The following SART3 variants were observed in gnomAD, a reference collection of about 807,000 sequenced individuals.
SART3 encodes HIV-1 Tat-interacting protein of 110kDa.
A neutral mutation model predicts 122.3 loss-of-function variants in SART3; 44 were observed. That is an observed-to-expected ratio of 0.36 (90% CI 0.28 to 0.46). The LOEUF (loss-of-function observed/expected upper bound fraction) is 0.46, where lower values mean the gene tolerates loss of function less well. Ranked by LOEUF, SART3 falls within the 20% of genes least tolerant of loss-of-function variation. The pLI, the probability that SART3 is intolerant of heterozygous loss-of-function variation, is 1.00. For synonymous variants in SART3, 442 were observed against 454.0 expected (o/e 0.97, Z 0.34); for missense variants, 1,101 against 1,229.0 (o/e 0.90, Z 1.56).
Position 108,523,528 on chromosome 12 carries a change from C to A in SART3, c.2821G>T (p.Ala941Ser), listed in dbSNP as rs1872227128. ...GGTGCCTCGGTGGCTGCTGGGGCGG[C>A]AACTGCAGGAGCCGCGGCAGGGCCG... Reference protein sequence around the residue: ...ENGPAAAPAVAAPAATEAPKM... With the variant: ...ENGPAAAPAVSAPAATEAPKM... The change falls in exon 19 of 19, where the codon GCC (alanine) becomes TCC (serine). Residue 941 changes from alanine to serine, a missense_variant. By Grantham distance (99) the Ala-to-Ser change is moderately conservative (BLOSUM62 1). Transcript: ENST00000546815. 7.4e-6 allele frequency: 12 copies of A among 1,613,628 alleles called. No homozygotes were observed. Among genetic ancestry groups the A allele is most frequent in the Non-Finnish European group, 1.0e-5 (12 of 1,180,024 alleles).
chr12:108,534,264 T>C (rs977096354), intron 12 of SART3, among the ~76,000 whole-genome samples: 1 of 152,156 alleles, frequency 6.6e-6, no homozygotes, highest in African/African-American at 2.4e-5. Flanking sequence ...CATAAAAGTT[T>C]TTTGGGATCC....
At chr12:108,539,519 A>T (rs1229942314) in intron 6 of SART3, among the ~76,000 whole-genome samples, 3 of 152,228 alleles carry the variant, frequency 2.0e-5, no homozygotes, top group African/African-American at 7.2e-5. Context: ...CTTATTCCAA[A>T]TATCAGTTCC....
chr12:108,525,673 C>T, intron 16 of SART3, 64 bp from the exon 17 acceptor site: 1 of 1,530,918 alleles, frequency 6.5e-7, no homozygotes, highest in Non-Finnish European at 9.0e-7. Flanking sequence ...CACCTGACTC[C>T]TCTGACACCA....
rs878903114 is a variant in SART3, at chr12:108,522,327, C to T, written c.*1130G>A. 6.6e-6 allele frequency among the ~76,000 whole-genome samples: 1 copy of T among 152,168 alleles called. No individual in the cohort carries two copies. Among genetic ancestry groups the T allele is most frequent in the Non-Finnish European group, 1.5e-5 (1 of 68,024 alleles). On this transcript the variant is annotated 3_prime_UTR_variant, in exon 19 of 19. Transcript: ENST00000546815. ...CCCGACTGATGCACAAAAACTTAAA[C>T]TTACGCAACAGATAAATGAGGAGTT...
intron 1 of SART3, among the ~76,000 whole-genome samples, chr12:108,557,170 G>T (rs1329503977): frequency 6.8e-6 from 1 of 147,686 alleles, no homozygotes; most frequent in Non-Finnish European, 1.5e-5. Flanking sequence ...TACATATGCT[G>T]GTCTATTCTG....
chr12:108,528,294 C>A (rs983058631), intron 15 of SART3, among the ~76,000 whole-genome samples: 1 of 151,840 alleles, frequency 6.6e-6, no homozygotes, highest in African/African-American at 2.4e-5. Context: ...ACCAGCCTGG[C>A]TAACATGGTG....
At position 108,537,506 on chromosome 12, in the gene SART3, T is replaced by G. The variant is rs1352262405; in HGVS notation, c.1291A>C (p.Arg431=). The G allele has an allele frequency of 6.2e-7, 1 of 1,613,414 alleles. No individual in the cohort carries two copies. The highest frequency in any genetic ancestry group is 1.1e-5 in the South Asian group (1 of 91,064). The change falls in exon 9 of 19, where the codon AGG becomes CGG. Residue 431 remains arginine (R), a synonymous_variant. Transcript: ENST00000546815. The part of the protein sequence containing the change: ...WQAYLDYLRR[R]VDFKQDSSKE... ...TAAATACCTTGTTTGAAATCAACCCTTCTCCTCAGGTAATCAAGGTATGCC... is the reference window on the plus strand; with the variant it reads ...TAAATACCTTGTTTGAAATCAACCCGTCTCCTCAGGTAATCAAGGTATGCC...
Position 108,556,441 on chromosome 12 carries a change from T to C in SART3, c.312+4402A>G, listed in dbSNP as rs528165781. On this transcript the variant is annotated intron_variant, in intron 1 of 18. Transcript: ENST00000546815. Reference sequence around the variant, plus strand: ...TGTGAACTGCTTTGTATTTATCAAATTACATGCCAAAAGATAATAATCAAT... The same window carrying C: ...TGTGAACTGCTTTGTATTTATCAAACTACATGCCAAAAGATAATAATCAAT... Among the ~76,000 whole-genome samples, 163 of 152,312 alleles carry C rather than the reference T, an allele frequency of 1.1e-3. 1 individual carries two copies. The highest frequency in any genetic ancestry group is 3.9e-3 in the African/African-American group (161 of 41,550).
Position 108,560,941 on chromosome 12 carries a change from T to C in SART3, c.214A>G (p.Met72Val), listed in dbSNP as rs757728391. The C allele has an allele frequency of 3.7e-6, 6 of 1,613,918 alleles. No homozygotes were observed. Among genetic ancestry groups the C allele is most frequent in the Non-Finnish European group, 5.1e-6 (6 of 1,179,970 alleles). Residue 72 changes from methionine (M) to valine (V), a missense_variant, in exon 1 of 19, where the codon ATG becomes GTG. By Grantham distance (21) the Met-to-Val change is conservative. Coordinates refer to ENST00000546815, the MANE Select transcript of SART3 (RefSeq NM_014706.4). ...VSESDGDEYA[M>V]ASSAESSPGE... ...GGGGAGCTCTCCGCGGAGGAAGCCATGGCGTACTCATCCCCATCGCTCTCG... is the reference window on the plus strand; with the variant it reads ...GGGGAGCTCTCCGCGGAGGAAGCCACGGCGTACTCATCCCCATCGCTCTCG...
intron 11 of SART3, 121 bp from the exon 12 acceptor site, chr12:108,535,589 C>T (rs118063542): frequency 0.012 from 9,779 of 844,676 alleles, 96 homozygotes; most frequent in Middle Eastern, 0.02. Flanking sequence ...TTACAGATGT[C>T]CCTGGGCATT....
chr12:108,535,869 A>T (rs1248093216), intron 11 of SART3, among the ~76,000 whole-genome samples: 2 of 152,076 alleles, frequency 1.3e-5, no homozygotes, highest in Non-Finnish European at 2.9e-5. Flanking sequence ...CAAATTACTT[A>T]ACCTGTAATT....
intron 15 of SART3, 63 bp downstream of exon 15, chr12:108,530,079 C>T: frequency 1.9e-6 from 3 of 1,578,040 alleles, no homozygotes; most frequent in Non-Finnish European, 2.6e-6. Context: ...GTTCTTCATA[C>T]TGTATTCGCA....
At position 108,535,420 on chromosome 12, in the gene SART3, T is replaced by G; in HGVS notation, c.1495A>C (p.Ile499Leu). ...MQKARELWDSIMTRGNAKYAN... is the reference protein window; with the variant it reads ...MQKARELWDSLMTRGNAKYAN... Reference sequence around the variant, plus strand: ...TACTTGGCATTTCCTCTGGTCATGATGCTATCCCAGAGTTCCCGAGCTTTC... The same window carrying G: ...TACTTGGCATTTCCTCTGGTCATGAGGCTATCCCAGAGTTCCCGAGCTTTC... The change falls in exon 12 of 19, where the codon ATC (isoleucine) becomes CTC (leucine). Residue 499 changes from isoleucine to leucine, a missense_variant. Physicochemically the swap from Ile to Leu is conservative, Grantham distance 5. Coordinates refer to ENST00000546815, the MANE Select transcript of SART3 (RefSeq NM_014706.4). The G allele has an allele frequency of 6.2e-7, 1 of 1,614,156 alleles. No homozygotes were observed.
intron 15 of SART3, 144 bp from the exon 16 acceptor site, chr12:108,526,697 C>G: frequency 1.1e-6 from 1 of 883,440 alleles, no homozygotes; most frequent in Non-Finnish European, 1.8e-6. Flanking sequence ...AGCACCACCC[C>G]GAGAAGTCTT....
chr12:108,558,929 GGGCT>G (rs1267657306), intron 1 of SART3, among the ~76,000 whole-genome samples: 2 of 151,454 alleles, frequency 1.3e-5, no homozygotes, highest in Non-Finnish European at 2.9e-5. Context: ...GCTACTCGGG[GGGCT>G]GAGGCAGGAG....
intron 1 of SART3, among the ~76,000 whole-genome samples, chr12:108,552,854 T>C (rs1277820000): frequency 6.6e-6 from 1 of 152,118 alleles, no homozygotes; most frequent in Non-Finnish European, 1.5e-5. Flanking sequence ...AAAATGTATA[T>C]GGGATGGCAG....
At chr12:108,547,764 T>C in intron 3 of SART3, 123 bp downstream of exon 3, 1 of 715,070 alleles carries the variant, frequency 1.4e-6, no homozygotes, top group African/African-American at 1.7e-5. Context: ...TCAACTTAAA[T>C]CTTGCTAATT....
chr12:108,532,386 C>T (rs1444074913), intron 12 of SART3, 52 bp from the exon 13 acceptor site: 1 of 1,511,524 alleles, frequency 6.6e-7, no homozygotes, highest in South Asian at 1.1e-5. Context: ...GTGGAAGGCA[C>T]TCGAAGGGAG....
rs577802138 is a variant in SART3 at position 108,543,796 on chromosome 12, T to C, written c.781+631A>G. 3.9e-5 allele frequency among the ~76,000 whole-genome samples: 6 copies of C among 152,264 alleles called. No individual in the cohort carries two copies. The South Asian group carries it at 1.2e-3, about 32-fold the overall frequency. ...AGTATGTACAACACATGCCCGTGTC[T>C]AGGGAACAAACACAACAGCCATGAC... On this transcript the variant is annotated intron_variant, in intron 5 of 18. Transcript: ENST00000546815.
Sources: allele counts gnomAD v4.1 joint callset (sites outside exome capture counted in the v4.1 genomes callset), GRCh38; gene constraint gnomAD v4.1.1; transcripts MANE v1.5; gene names NCBI Gene and HGNC (gene_info 2026-07-23, HGNC 2026-07-21).